The following KRT7 variants were observed in gnomAD, a reference collection of about 807,000 sequenced individuals.
The protein encoded by KRT7 is keratin, type II cytoskeletal 7.
KRT7 carries 50 observed loss-of-function variants against 42.8 expected under a neutral mutation model. That is an observed-to-expected ratio of 1.17 (90% confidence interval 0.93 to 1.48). The LOEUF is 1.48. KRT7 is among the 40% of genes most tolerant of loss of function. The probability of loss-of-function intolerance (pLI) is 0.00; values close to 1 mark genes in which losing one functional copy is unlikely to be tolerated. For synonymous variants in KRT7, 268 were observed against 266.3 expected (o/e 1.01, Z -0.06); for missense variants, 588 against 637.6 (o/e 0.92, Z 0.84).
intron 2 of KRT7, among the ~76,000 whole-genome samples, chr12:52,236,209 C>T (rs529169685): frequency 1.5e-5 from 2 of 135,508 alleles, no homozygotes; most frequent in Non-Finnish European, 3.2e-5. Context: ...CCCCCCCCAA[C>T]ACTCCCACTT....
chr12:52,241,562 G>GC lies in KRT7; in HGVS notation c.785dup (p.Glu263Ter), dbSNP rs1942090911. 3 of 1,613,972 alleles carry GC rather than the reference G, an allele frequency of 1.9e-6. No homozygotes were observed. The highest frequency in any genetic ancestry group is 1.7e-4 in the Middle Eastern group (1 of 6,058). ...CTCCCTGGACCTGGACGGCATCATCGCTGAGGTCAAGGCGCAGTATGAGGA... is the reference window on the plus strand; with the variant it reads ...CTCCCTGGACCTGGACGGCATCATCGCCTGAGGTCAAGGCGCAGTATGAGGA... On this transcript the variant is annotated frameshift_variant, in exon 5 of 9. Transcript: ENST00000331817. LOFTEE classifies it high-confidence loss of function.
chr12:52,252,323 G>A, downstream of KRT7: 1 of 1,614,058 alleles, frequency 6.2e-7, no homozygotes, highest in Non-Finnish European at 8.5e-7. Flanking sequence ...AGGCCAGCTT[G>A]GAGTTCATCA....
chr12:52,253,347 G>A (rs756776941), downstream of KRT7: 1 of 1,612,364 alleles, frequency 6.2e-7, no homozygotes, highest in Non-Finnish European at 8.5e-7. Context: ...CACTGGGGAA[G>A]TAGAGTTGCT....
At chr12:52,247,975 C>A (rs1166166776) in intron 7 of KRT7, 21 of 599,790 alleles carry the variant, frequency 3.5e-5, no homozygotes, top group Non-Finnish European at 6.0e-5. Context: ...GGTCAGGTGG[C>A]CAGTGGATAG....
At chr12:52,255,067 A>G (rs2121139949), downstream of KRT7, among the ~76,000 whole-genome samples, 1 of 152,352 alleles carries the variant, frequency 6.6e-6, no homozygotes. Context: ...GGAGGTGAAA[A>G]TCTGGTGGCT....
downstream of KRT7, among the ~76,000 whole-genome samples, chr12:52,249,664 C>A (rs565546545): frequency 2.9e-4 from 44 of 152,126 alleles, no homozygotes; most frequent in African/African-American, 1.0e-3. Context: ...GTGGCAGGGC[C>A]TATGCATGGG....
At chr12:52,239,270 G>T (rs1592390920) in intron 4 of KRT7, among the ~76,000 whole-genome samples, 1 of 152,206 alleles carries the variant, frequency 6.6e-6, no homozygotes, top group South Asian at 2.1e-4. Flanking sequence ...GAGCCATTTT[G>T]CAGGCTAGAA....
chr12:52,243,066 C>T lies in KRT7; in HGVS notation c.913C>T (p.Arg305Trp), dbSNP rs780160167. 5.0e-5 allele frequency: 81 copies of T among 1,613,764 alleles called. 1 individual carries two copies. The highest frequency in any genetic ancestry group is 7.7e-5 in the South Asian group (7 of 91,060). ...GKHGDDLRNT[R>W]NEISEMNRAI... ...GCATGGGGACGACCTCCGGAATACC[C>T]GGAATGAGATTTCAGAGATGAACCG... The change falls in exon 6 of 9, where the codon CGG (arginine) becomes TGG (tryptophan). Residue 305 changes from arginine (R) to tryptophan (W), a missense_variant. Physicochemically the swap from Arg to Trp is moderately radical, Grantham distance 101 (BLOSUM62 -3). Coordinates refer to ENST00000331817, the MANE Select transcript of KRT7 (RefSeq NM_005556.4).
chr12:52,238,819 C>T, intron 4 of KRT7, 44 bp downstream of exon 4: 1 of 1,269,580 alleles, frequency 7.9e-7, no homozygotes, highest in Non-Finnish European at 1.2e-6. Flanking sequence ...CCTACCCATT[C>T]TAACCAGGGA....
chr12:52,241,779 C>A, intron 5 of KRT7, 143 bp downstream of exon 5: 1 of 632,474 alleles, frequency 1.6e-6, no homozygotes, highest in African/African-American at 1.8e-5. Flanking sequence ...GGTGCTCAGC[C>A]CTGGAGAAAA....
intron 3 of KRT7, 71 bp downstream of exon 3, chr12:52,237,640 C>T (rs1942030048): frequency 7.5e-7 from 1 of 1,331,702 alleles, no homozygotes; most frequent in African/African-American, 1.5e-5. Flanking sequence ...GATCCTCTCA[C>T]CTGAGCAGCC....
intron 2 of KRT7, among the ~76,000 whole-genome samples, chr12:52,235,982 A>T (rs1349111555): frequency 6.6e-6 from 1 of 152,166 alleles, no homozygotes; most frequent in Admixed American, 6.5e-5. Flanking sequence ...AGGCTCAGGA[A>T]GGCTGGGACT....
intron 2 of KRT7, 22 bp downstream of exon 2, chr12:52,235,388 G>T (rs1296573302): frequency 6.3e-7 from 1 of 1,584,418 alleles, no homozygotes; most frequent in South Asian, 1.1e-5. Flanking sequence ...TGTGCCACAT[G>T]CGAAGACCCC....
downstream of KRT7, chr12:52,251,976 T>A (rs1942271930): frequency 3.2e-6 from 2 of 617,834 alleles, no homozygotes; most frequent in Non-Finnish European, 6.0e-6. Flanking sequence ...AAAGTTTGCC[T>A]GCCCAGAACC....
chr12:52,253,819 T>C, downstream of KRT7: 2 of 552,722 alleles, frequency 3.6e-6, no homozygotes, highest in Non-Finnish European at 7.1e-6. Context: ...CTACTCTTGG[T>C]AGCCCACCCT....
In KRT7 at chr12:52,233,498, A is replaced by AT; in HGVS notation, c.204dup (p.Asn69Ter). ...GGGCGCCGGCATCCGCGAGGTCACC[A>AT]TTAACCAGAGCCTGCTGGCCCCGCT... On this transcript the variant is annotated frameshift_variant, in exon 1 of 9. Transcript: ENST00000331817. LOFTEE classifies it high-confidence loss of function. 6.2e-7 allele frequency: 1 copy of AT among 1,612,418 alleles called. No individual in the cohort carries two copies. The highest frequency in any genetic ancestry group is 8.5e-7 in the Non-Finnish European group (1 of 1,179,700).
intron 1 of KRT7, among the ~76,000 whole-genome samples, chr12:52,234,201 G>A (rs1251137510): frequency 1.3e-5 from 2 of 151,966 alleles, no homozygotes; most frequent in Non-Finnish European, 2.9e-5. Context: ...CAGGAGGAGA[G>A]GTTATACCTG....
chr12:52,235,910 TG>T (rs1402004138), intron 2 of KRT7, among the ~76,000 whole-genome samples: 1 of 152,102 alleles, frequency 6.6e-6, no homozygotes, highest in African/African-American at 2.4e-5. Flanking sequence ...AAATGGTCAT[TG>T]TGAGCCATGC....
chr12:52,237,544 A>T lies in KRT7; in HGVS notation c.572A>T (p.Glu191Val). 6.2e-7 allele frequency: 1 copy of T among 1,612,346 alleles called. No individual in the cohort carries two copies. The highest frequency in any genetic ancestry group is 8.5e-7 in the Non-Finnish European group (1 of 1,178,980). ...GAAATTAACCACCGCACAGCTGCTG[A>T]GAATGAGTTTGTGGTGCTGAAGAAG... Reference protein sequence around the residue: ...EDEINHRTAAENEFVVLKKDV... With the variant: ...EDEINHRTAAVNEFVVLKKDV... The change falls in exon 3 of 9, where the codon GAG becomes GTG. Residue 191 changes from glutamate (E) to valine (V), a missense_variant. Glu to Val is a moderately radical substitution (Grantham distance 121, BLOSUM62 -2). Transcript: ENST00000331817.
Sources: gnomAD v4.1 joint callset for allele counts (sites outside exome capture counted in the v4.1 genomes callset) on GRCh38, gnomAD v4.1.1 for gene constraint, MANE v1.5 for transcripts, NCBI Gene and HGNC (gene_info 2026-07-23, HGNC 2026-07-21) for gene names.